The following MAVS variants were observed in gnomAD, a reference collection of about 807,000 sequenced individuals.
MAVS encodes mitochondrial antiviral signaling protein, also known as mitochondrial antiviral-signaling protein.
MAVS carries 20 observed loss-of-function variants against 30.2 expected under a neutral mutation model. The ratio of observed to expected loss-of-function variants is 0.66; its 90% CI spans 0.47 to 0.96. The LOEUF (loss-of-function observed/expected upper bound fraction) is 0.96. MAVS is among the 40% of genes least tolerant of loss of function. MAVS has a pLI of 0.00. For missense variants in MAVS, 624 were observed against 701.1 expected (o/e 0.89, Z 1.24); for synonymous variants, 278 against 293.9 (o/e 0.95, Z 0.55).
chr20:3,857,246 T>A (rs909875943), intron 2 of MAVS, among the ~76,000 whole-genome samples: 1 of 152,194 alleles, frequency 6.6e-6, no homozygotes, highest in Non-Finnish European at 1.5e-5. Flanking sequence ...AATCCAAGGC[T>A]TTTGTATCAG....
intron 1 of MAVS, among the ~76,000 whole-genome samples, chr20:3,853,423 T>C (rs1282241168): frequency 1.3e-5 from 2 of 150,752 alleles, no homozygotes; most frequent in South Asian, 2.1e-4. Flanking sequence ...GAGGCGGAGC[T>C]TGCAGTGAGC....
rs147099489 is a variant in MAVS, at chr20:3,866,973, T to C, written c.*826T>C. On this transcript the variant is annotated 3_prime_UTR_variant, in exon 7 of 7. Transcript: ENST00000428216. ...GCAGATGTCAGACTTCTGGTCTTGC[T>C]TCTCCACGTGGACAGTGAGTATCTG... The C allele has an allele frequency of 3.6e-3, 1,660 of 456,856 alleles. 7 individuals are homozygous for C. Among genetic ancestry groups the C allele is most frequent in the Non-Finnish European group, 6.0e-3 (1,356 of 226,978 alleles). 28.3% of individuals were successfully genotyped at this position (456,856 alleles called of 1,614,324 possible).
In MAVS at chr20:3,865,623, C is replaced by T. The variant is rs1039118256; in HGVS notation, c.1159-60C>T. 5 of 1,469,860 alleles carry T rather than the reference C, an allele frequency of 3.4e-6. No individual in the cohort carries two copies. Among genetic ancestry groups the T allele is most frequent in the Non-Finnish European group, 2.7e-6 (3 of 1,093,764 alleles). 91.1% of individuals were successfully genotyped at this position (1,469,860 alleles called of 1,614,324 possible). On this transcript the variant is annotated intron_variant, in intron 6 of 6. Coordinates refer to ENST00000428216, the MANE Select transcript of MAVS (RefSeq NM_020746.5). The surrounding 1 kb of genome is among the most constrained non-coding windows in gnomAD (Gnocchi z 4.7). Reference sequence around the variant, plus strand: ...GCCCTGGCCTGGGAATGGGACCGCCCTACCAGGTTCGTCTCCCTGCCAACC... The same window carrying T: ...GCCCTGGCCTGGGAATGGGACCGCCTTACCAGGTTCGTCTCCCTGCCAACC...
intron 2 of MAVS, among the ~76,000 whole-genome samples, 181 bp downstream of exon 2, chr20:3,854,922 C>T (rs1473370340): frequency 3.0e-5 from 4 of 134,568 alleles, no homozygotes; most frequent in South Asian, 2.3e-4. Context: ...GATTGAGTCT[C>T]GTTCTGTCGC....
At position 3,868,400 on chromosome 20, in the gene MAVS, C is replaced by G. The variant is rs2089925801; in HGVS notation, c.*2253C>G. On this transcript the variant is annotated 3_prime_UTR_variant, in exon 7 of 7. Coordinates refer to ENST00000428216, the MANE Select transcript of MAVS (RefSeq NM_020746.5). ...CTGTAATCCCAGCACTTTGGGAGGC[C>G]AAGGTGGGCAGATCGCCTGAGGTCT... The G allele has an allele frequency of 6.6e-6, 1 of 152,166 alleles. No homozygotes were observed. The highest frequency in any genetic ancestry group is 2.1e-4 in the South Asian group (1 of 4,834). The allele number at this position is 152,166 out of a possible 1,614,324, so 9.4% of individuals were successfully genotyped here.
Position 3,872,929 on chromosome 20 carries a change from A to C in MAVS, c.*6782A>C. ...GAGCCCCCTCCCACCACCCACCAGT[A>C]CAGTAGGGGGTGGTTTAATGGAGTG... On this transcript the variant is annotated 3_prime_UTR_variant, in exon 7 of 7. Coordinates refer to ENST00000428216, the MANE Select transcript of MAVS (RefSeq NM_020746.5). 1 of 152,392 alleles carries C rather than the reference A, an allele frequency of 6.6e-6. No homozygotes were observed. 9.4% of individuals were successfully genotyped at this position (152,392 alleles called of 1,614,324 possible).
At chr20:3,850,581 C>T (rs2146754982) in intron 1 of MAVS, among the ~76,000 whole-genome samples, 1 of 124,258 alleles carries the variant, frequency 8.0e-6, no homozygotes, top group African/African-American at 3.1e-5. Context: ...AAAGAGTGAA[C>T]TCCATTTCAA....
At position 3,865,210 on chromosome 20, in the gene MAVS, A is replaced by G. The variant is rs1339874729; in HGVS notation, c.1158+422A>G. Among the ~76,000 whole-genome samples the G allele has an allele frequency of 1.3e-5, 2 of 152,154 alleles. No homozygotes were observed. Among genetic ancestry groups the G allele is most frequent in the African/African-American group, 4.8e-5 (2 of 41,430 alleles). On this transcript the variant is annotated intron_variant, in intron 6 of 6. Transcript: ENST00000428216. This position sits in a 1 kb window ranked among gnomAD's most constrained non-coding sequence, Gnocchi z 4.7. ...GTCCCTCCATGGCCAGGCTTTACAGAACGCAGTCCCACCTGGAGCAGCCAC... is the reference window on the plus strand; with the variant it reads ...GTCCCTCCATGGCCAGGCTTTACAGGACGCAGTCCCACCTGGAGCAGCCAC...
intron 3 of MAVS, among the ~76,000 whole-genome samples, chr20:3,859,796 C>T (rs575374728): frequency 3.2e-4 from 48 of 152,118 alleles, no homozygotes; most frequent in Non-Finnish European, 6.0e-4. Context: ...CCCACTCCTG[C>T]CCCCTTGCCA....
chr20:3,865,649 C>T lies in MAVS; in HGVS notation c.1159-34C>T, dbSNP rs1374962712. ...TACCAGGTTCGTCTCCCTGCCAACC[C>T]CAGTCCCTTCCAGTGCTCTCCTTTC... On this transcript the variant is annotated intron_variant, in intron 6 of 6. Coordinates refer to ENST00000428216, the MANE Select transcript of MAVS (RefSeq NM_020746.5). The surrounding 1 kb of genome is among the most constrained non-coding windows in gnomAD (Gnocchi z 4.7). The T allele has an allele frequency of 6.4e-7, 1 of 1,555,098 alleles. No homozygotes were observed. The highest frequency in any genetic ancestry group is 8.7e-7 in the Non-Finnish European group (1 of 1,149,048).
intron 3 of MAVS, among the ~76,000 whole-genome samples, chr20:3,859,392 C>T (rs189429616): frequency 9.2e-5 from 14 of 151,994 alleles, no homozygotes; most frequent in Admixed American, 8.5e-4. Flanking sequence ...CCTGTAATCC[C>T]AGCTACTTGG....
chr20:3,864,804 TC>T lies in MAVS; in HGVS notation c.1158+18del, dbSNP rs1351672145. 6.2e-7 allele frequency: 1 copy of T among 1,607,594 alleles called. No individual in the cohort carries two copies. ...CAGAAATGAGGTGAGTCCTCGCCCT[TC>T]CTGGCAGGGATCCTGGCCCCTTCCC... On this transcript the variant is annotated intron_variant, in intron 6 of 6. Transcript: ENST00000428216.
rs1191975816 is a variant in MAVS, at chr20:3,874,814, G to A, written c.*8667G>A. 6.6e-6 allele frequency: 1 copy of A among 152,276 alleles called. No individual in the cohort carries two copies. Among genetic ancestry groups the A allele is most frequent in the Non-Finnish European group, 1.5e-5 (1 of 68,120 alleles). The allele number at this position is 152,276 out of a possible 1,614,324, so 9.4% of individuals were successfully genotyped here. A position where few individuals can be genotyped will look rare whatever the true frequency, so the allele number is the denominator to read the frequency against. On this transcript the variant is annotated 3_prime_UTR_variant, in exon 7 of 7. Transcript: ENST00000428216. ...TGGCCATTGTCCAGTTGTATGTTCA[G>A]TCTCTTGGAAGGAAGGGTATTGACT...
chr20:3,856,284 G>A (rs1398066764), intron 2 of MAVS, among the ~76,000 whole-genome samples: 1 of 151,216 alleles, frequency 6.6e-6, no homozygotes, highest in Non-Finnish European at 1.5e-5. Context: ...TCGATCTCCT[G>A]ACCTCATGAT....
intron 5 of MAVS, among the ~76,000 whole-genome samples, chr20:3,863,809 C>T (rs1253149187): frequency 2.6e-5 from 4 of 152,100 alleles, no homozygotes; most frequent in African/African-American, 9.7e-5. Context: ...GTGAGCTGTT[C>T]TGCATGAGCC....
intron 3 of MAVS, among the ~76,000 whole-genome samples, chr20:3,859,495 G>A (rs371216534): frequency 1.5e-5 from 2 of 129,358 alleles, no homozygotes; most frequent in African/African-American, 3.1e-5. Context: ...ATGACAGAGT[G>A]AGACTCCGTC....
rs1287513905 is a variant in MAVS, at chr20:3,865,882, A to G, written c.1358A>G (p.His453Arg). 3 of 1,614,050 alleles carry G rather than the reference A, an allele frequency of 1.9e-6. No homozygotes were observed. The highest frequency in any genetic ancestry group is 1.6e-4 in the Middle Eastern group (1 of 6,062). Residue 453 changes from histidine (H) to arginine (R), a missense_variant, in exon 7 of 7, where the codon CAT becomes CGT. Physicochemically the swap from His to Arg is conservative, Grantham distance 29. Coordinates refer to ENST00000428216, the MANE Select transcript of MAVS (RefSeq NM_020746.5). The surrounding 1 kb of genome is among the most constrained non-coding windows in gnomAD (Gnocchi z 4.7). ...ASTSLGMGPC[H>R]GPEENEYKSE... Reference sequence around the variant, plus strand: ...ACCTCCTTGGGCATGGGGCCCTGCCATGGCCCAGAGGAGAATGAGTATAAG... The same window carrying G: ...ACCTCCTTGGGCATGGGGCCCTGCCGTGGCCCAGAGGAGAATGAGTATAAG...
chr20:3,860,613 G>A (rs2089858492), intron 3 of MAVS, among the ~76,000 whole-genome samples: 2 of 150,858 alleles, frequency 1.3e-5, no homozygotes, highest in South Asian at 2.1e-4. Context: ...GACCTCAGGT[G>A]ATCCACCCAC....
Position 3,866,589 on chromosome 20 carries a change from A to G in MAVS, c.*442A>G. 2.8e-6 allele frequency: 1 copy of G among 353,494 alleles called. No individual in the cohort carries two copies. Among genetic ancestry groups the G allele is most frequent in the Non-Finnish European group, 5.5e-6 (1 of 180,312 alleles). 21.9% of individuals were successfully genotyped at this position (353,494 alleles called of 1,614,324 possible). A position where few individuals can be genotyped will look rare whatever the true frequency, so the allele number is the denominator to read the frequency against. ...GTATGTGGTGTGTGGGCGACTCCAC[A>G]AGACCTGCCTCCCATCCTGGCAGCC... On this transcript the variant is annotated 3_prime_UTR_variant, in exon 7 of 7. Transcript: ENST00000428216.
Sources: allele counts gnomAD v4.1 joint callset (sites outside exome capture counted in the v4.1 genomes callset), GRCh38; gene constraint gnomAD v4.1.1; non-coding constraint Gnocchi (gnomAD v3.1); transcripts MANE v1.5; gene names NCBI Gene and HGNC (gene_info 2026-07-23, HGNC 2026-07-21).